DNAJC5: variants seen among roughly 807,000 people sequenced by gnomAD.
DNAJC5 encodes the protein dnaJ homolog subfamily C member 5.
Under a neutral mutation model 23.2 loss-of-function variants are expected in DNAJC5, and 1 was observed. That is an observed-to-expected ratio of 0.04 (90% confidence interval 0.02 to 0.20). The LOEUF is 0.20. Ranked by LOEUF, DNAJC5 falls within the 10% of genes least tolerant of loss-of-function variation. The probability of loss-of-function intolerance (pLI) is 1.00; values close to 1 mark genes in which losing one functional copy is unlikely to be tolerated. For missense variants in DNAJC5, 180 were observed against 267.0 expected (o/e 0.67, Z 2.27); for synonymous variants, 136 against 120.0 (o/e 1.13, Z -0.87).
At position 63,920,439 on chromosome 20, in the gene DNAJC5, G is replaced by A. The variant is rs531057480; in HGVS notation, c.-11-7896G>A. Among the ~76,000 whole-genome samples, 640 of 152,338 alleles carry A rather than the reference G, an allele frequency of 4.2e-3. No individual in the cohort carries two copies. The highest frequency in any genetic ancestry group is 7.2e-3 in the Non-Finnish European group (491 of 68,026). Reference sequence around the variant, plus strand: ...CGTCTGGTGGGGATGCCCGCCATGCGGGGGCCTCAGGCTACAGCCAGGGCT... The same window carrying A: ...CGTCTGGTGGGGATGCCCGCCATGCAGGGGCCTCAGGCTACAGCCAGGGCT... On this transcript the variant is annotated intron_variant, in intron 1 of 4. Transcript: ENST00000360864. This position sits in a 1 kb window ranked among gnomAD's most constrained non-coding sequence, Gnocchi z 4.6.
At chr20:63,930,819 G>A (rs1047502243) in intron 3 of DNAJC5, 32 bp from the exon 4 acceptor site, 3 of 1,611,040 alleles carry the variant, frequency 1.9e-6, no homozygotes, top group Non-Finnish European at 8.5e-7. Context: ...GGGCCTCGGA[G>A]GCCATGCAAC....
At chr20:63,905,340 TC>T (rs2053441157) in intron 1 of DNAJC5, among the ~76,000 whole-genome samples, 1 of 152,100 alleles carries the variant, frequency 6.6e-6, no homozygotes, top group Admixed American at 6.6e-5. Context: ...GATCTCGACC[TC>T]CTGACCTCAA....
intron 1 of DNAJC5, among the ~76,000 whole-genome samples, chr20:63,915,914 C>T (rs979097922): frequency 1.3e-5 from 2 of 152,196 alleles, no homozygotes. Context: ...AATCACAGAA[C>T]ATAAAATACA....
intron 1 of DNAJC5, among the ~76,000 whole-genome samples, chr20:63,923,259 AAGCC>A (rs1324280879): frequency 1.3e-5 from 2 of 151,442 alleles, no homozygotes; most frequent in Non-Finnish European, 2.9e-5. Flanking sequence ...CTGGGCAACA[AAGCC>A]AGACCGTGTC....
intron 1 of DNAJC5, among the ~76,000 whole-genome samples, chr20:63,917,353 C>T (rs931241438): frequency 1.1e-4 from 17 of 152,112 alleles, no homozygotes; most frequent in Admixed American, 3.3e-4. Flanking sequence ...CTCCTGGGTT[C>T]AAGCGATTCT....
chr20:63,909,068 C>T (rs2053464994), intron 1 of DNAJC5: 1 of 152,200 alleles, frequency 6.6e-6, no homozygotes, highest in African/African-American at 2.4e-5. Flanking sequence ...ATGTGGGAAA[C>T]TTGACTGCGT....
chr20:63,918,752 G>A (rs1383948307), intron 1 of DNAJC5, among the ~76,000 whole-genome samples: 1 of 152,136 alleles, frequency 6.6e-6, no homozygotes, highest in African/African-American at 2.4e-5. Flanking sequence ...CCACCACCAT[G>A]CCTGGCTAAT....
At position 63,930,975 on chromosome 20, in the gene DNAJC5, A is replaced by G; in HGVS notation, c.446A>G (p.Tyr149Cys). 6.2e-7 allele frequency: 1 copy of G among 1,614,104 alleles called. No homozygotes were observed. The highest frequency in any genetic ancestry group is 8.5e-7 in the Non-Finnish European group (1 of 1,180,040). Residue 149 changes from tyrosine (Y) to cysteine (C), a missense_variant, in exon 4 of 5, where the codon TAC (tyrosine) becomes TGC (cysteine). By Grantham distance (194) the Tyr-to-Cys change is radical (BLOSUM62 -2). This residue lies in a region of DNAJC5 where 97 missense variants were observed against 123.4 expected (regional missense o/e 0.79). Coordinates refer to ENST00000360864, the MANE Select transcript of DNAJC5 (RefSeq NM_025219.3). ...CCTGAAGGCGAGGAGACGGAGTTCT[A>G]CGTGTCCCCCGAGGATCTGGAGGCA... ...KAPEGEETEF[Y>C]VSPEDLEAQL...
Position 63,929,278 on chromosome 20 carries a change from C to T in DNAJC5, c.108-34C>T. The T allele has an allele frequency of 1.3e-6, 2 of 1,599,038 alleles. No homozygotes were observed. The highest frequency in any genetic ancestry group is 1.1e-5 in the South Asian group (1 of 89,666). The stretch of plus-strand genomic sequence containing the variant: ...CGGCGGGTGCGGGTGGAACAAAGTC[C>T]AGGGTAGAGCCAGGACATGGTTTTG... On this transcript the variant is annotated intron_variant, in intron 2 of 4. Transcript: ENST00000360864. This position sits in a 1 kb window ranked among gnomAD's most constrained non-coding sequence, Gnocchi z 8.6.
rs949511829 is a variant in DNAJC5 at position 63,931,361 on chromosome 20, G to A, written c.494-104G>A. On this transcript the variant is annotated intron_variant, in intron 4 of 4. Coordinates refer to ENST00000360864, the MANE Select transcript of DNAJC5 (RefSeq NM_025219.3). The surrounding 1 kb of genome is among the most constrained non-coding windows in gnomAD (Gnocchi z 9.6). The stretch of plus-strand genomic sequence containing the variant: ...TGGAGGTCAGCGAGTAGCCTCTCCC[G>A]GTGGAGAGTTTGTCCAGGTGCCCGA... The A allele has an allele frequency of 1.1e-4, 116 of 1,102,334 alleles. No homozygotes were observed. The highest frequency in any genetic ancestry group is 1.3e-4 in the Non-Finnish European group (101 of 753,324). 68.3% of individuals were successfully genotyped at this position (1,102,334 alleles called of 1,614,324 possible).
chr20:63,929,438 G>T lies in DNAJC5; in HGVS notation c.234G>T (p.Lys78Asn). Residue 78 changes from lysine (K) to asparagine (N), a missense_variant, in exon 3 of 5, where the codon AAG becomes AAT. By Grantham distance (94) the Lys-to-Asn change is moderately conservative. This residue lies in a region of DNAJC5 where 77 missense variants were observed against 106.8 expected (regional missense o/e 0.72). Transcript: ENST00000360864. The surrounding 1 kb of genome is among the most constrained non-coding windows in gnomAD (Gnocchi z 8.6). ...TDATKRNIYD[K>N]YGSLGLYVAE... ...CCACAAAAAGGAACATCTACGACAA[G>T]TACGGCTCGCTGGGTCTCTACGTGG... 6.2e-7 allele frequency: 1 copy of T among 1,614,224 alleles called. No homozygotes were observed. Among genetic ancestry groups the T allele is most frequent in the Non-Finnish European group, 8.5e-7 (1 of 1,180,050 alleles).
chr20:63,910,620 A>G (rs1322786679), intron 1 of DNAJC5, among the ~76,000 whole-genome samples: 2 of 151,386 alleles, frequency 1.3e-5, no homozygotes, highest in African/African-American at 2.4e-5. Context: ...CCAGGAGGGC[A>G]TGAGTGTCGT....
intron 1 of DNAJC5, among the ~76,000 whole-genome samples, chr20:63,908,427 T>G (rs1236631415): frequency 6.6e-6 from 1 of 152,228 alleles, no homozygotes; most frequent in Non-Finnish European, 1.5e-5. Context: ...GTCTTGAGCT[T>G]CTGCTCTGTG....
intron 1 of DNAJC5, among the ~76,000 whole-genome samples, chr20:63,896,350 G>T (rs902437064): frequency 2.0e-5 from 3 of 152,156 alleles, no homozygotes; most frequent in African/African-American, 7.2e-5. Flanking sequence ...GGGAAGTTTC[G>T]GTTGAGTTCC....
chr20:63,931,867 G>A lies in DNAJC5; in HGVS notation c.*299G>A, dbSNP rs932025505. ...CGCGGCATGACCGCGTGAACTGCAC[G>A]GTGGAGCTGCCTCAGGGCTGTCGGT... On this transcript the variant is annotated 3_prime_UTR_variant, in exon 5 of 5. Coordinates refer to ENST00000360864, the MANE Select transcript of DNAJC5 (RefSeq NM_025219.3). The surrounding 1 kb of genome is among the most constrained non-coding windows in gnomAD (Gnocchi z 9.6). 6.9e-6 allele frequency: 3 copies of A among 437,302 alleles called. No individual in the cohort carries two copies. The highest frequency in any genetic ancestry group is 4.8e-5 in the East Asian group (1 of 20,898). The allele number at this position is 437,302 out of a possible 1,614,324, so 27.1% of individuals were successfully genotyped here.
At chr20:63,924,832 C>T (rs7268856) in intron 1 of DNAJC5, among the ~76,000 whole-genome samples, 53 of 152,344 alleles carry the variant, frequency 3.5e-4, no homozygotes, top group African/African-American at 1.2e-3. Context: ...AAGCCGGGGA[C>T]CCCTGGCCAG....
chr20:63,930,341 C>T (rs1211100777), intron 3 of DNAJC5, among the ~76,000 whole-genome samples: 1 of 152,076 alleles, frequency 6.6e-6, no homozygotes, highest in Non-Finnish European at 1.5e-5. Flanking sequence ...TGTGCCCAGC[C>T]TGGAGGCTGC....
chr20:63,906,840 G>A (rs1007028522), intron 1 of DNAJC5, among the ~76,000 whole-genome samples: 15 of 151,620 alleles, frequency 9.9e-5, no homozygotes, highest in Admixed American at 9.9e-4. Context: ...GCCATCGCTC[G>A]CACCTGTAAT....
intron 1 of DNAJC5, among the ~76,000 whole-genome samples, chr20:63,906,028 G>A (rs529524206): frequency 1.6e-4 from 25 of 151,902 alleles, no homozygotes; most frequent in Non-Finnish European, 2.5e-4. Flanking sequence ...CACTATGCCC[G>A]GCCCAGGATT....
Sources: allele counts gnomAD v4.1 joint callset (sites outside exome capture counted in the v4.1 genomes callset), GRCh38; gene constraint gnomAD v4.1.1; regional missense constraint gnomAD v4.1.1; non-coding constraint Gnocchi (gnomAD v3.1); transcripts MANE v1.5; gene names NCBI Gene and HGNC (gene_info 2026-07-23, HGNC 2026-07-21).